The following CDH13 variants were observed in gnomAD, a reference collection of about 807,000 sequenced individuals.
CDH13 encodes the protein cadherin 13.
In CDH13, 24 loss-of-function variants were observed where a neutral mutation model predicts 63.8. The ratio of observed to expected loss-of-function variants is 0.38; its 90% CI spans 0.27 to 0.53. The LOEUF is 0.53. Ranked by LOEUF, CDH13 falls within the 20% of genes least tolerant of loss-of-function variation. The pLI is 0.85. For missense variants in CDH13, 1,049 were observed against 903.1 expected (o/e 1.16, Z -2.07); for synonymous variants, 503 against 355.3 (o/e 1.42, Z -4.67).
intron 3 of CDH13, among the ~76,000 whole-genome samples, chr16:83,077,291 G>C (rs1460070469): frequency 7.4e-6 from 1 of 135,538 alleles, no homozygotes; most frequent in Admixed American, 8.5e-5. Context: ...TCCTGAGTTC[G>C]AGCGATTCTT....
chr16:82,987,840 C>T (rs1351438887), intron 2 of CDH13, among the ~76,000 whole-genome samples: 1 of 152,158 alleles, frequency 6.6e-6, no homozygotes, highest in African/African-American at 2.4e-5. Flanking sequence ...TGTTGGGTTG[C>T]CCCATCTCTT....
rs774360979 is a variant in CDH13, at chr16:83,217,455, C to T, written c.594C>T (p.Ser198=). Residue 198 remains serine, a synonymous_variant, in exon 5 of 14, where the codon TCC becomes TCT. Transcript: ENST00000567109. The part of the protein sequence containing the change: ...FRINENTGSV[S]VTRTLDREVI... Reference sequence around the variant, plus strand: ...TCAATGAGAACACAGGGAGCGTCTCCGTGACACGGACCTTGGACAGAGAAG... The same window carrying T: ...TCAATGAGAACACAGGGAGCGTCTCTGTGACACGGACCTTGGACAGAGAAG... 14 of 1,613,842 alleles carry T rather than the reference C, an allele frequency of 8.7e-6. No individual in the cohort carries two copies. Among genetic ancestry groups the T allele is most frequent in the Middle Eastern group, 1.7e-4 (1 of 6,050 alleles).
chr16:83,260,475 G>T (rs188809117), intron 5 of CDH13, among the ~76,000 whole-genome samples: 1 of 152,166 alleles, frequency 6.6e-6, no homozygotes, highest in Non-Finnish European at 1.5e-5. Context: ...CTACCAAGGG[G>T]AGTCTGTGGG....
chr16:83,015,479 C>T (rs1914665952), intron 2 of CDH13, among the ~76,000 whole-genome samples: 1 of 151,218 alleles, frequency 6.6e-6, no homozygotes, highest in Admixed American at 6.6e-5. Context: ...AAGTAGTATT[C>T]CTGGTGATAG....
intron 3 of CDH13, among the ~76,000 whole-genome samples, chr16:83,070,289 C>T (rs1452867606): frequency 6.6e-6 from 1 of 152,180 alleles, no homozygotes; most frequent in Non-Finnish European, 1.5e-5. Context: ...CAACTTGATA[C>T]TGACAGTTTA....
intron 4 of CDH13, among the ~76,000 whole-genome samples, chr16:83,163,595 T>G (rs2037539360): frequency 6.6e-6 from 1 of 152,062 alleles, no homozygotes; most frequent in Admixed American, 6.6e-5. Context: ...TTCTATTGCC[T>G]TTGCAGTCAG....
intron 3 of CDH13, among the ~76,000 whole-genome samples, chr16:83,107,734 GTT>G (rs111272961): frequency 6.5e-4 from 90 of 137,446 alleles, no homozygotes; most frequent in African/African-American, 1.4e-3. Context: ...TTTTAGGTGG[GTT>G]TTTTTTTTTT....
intron 7 of CDH13, among the ~76,000 whole-genome samples, chr16:83,545,798 C>A (rs142812057): frequency 6.6e-6 from 1 of 152,158 alleles, no homozygotes; most frequent in African/African-American, 2.4e-5. Context: ...TACTTCAAGA[C>A]CGCATTCAAA....
intron 7 of CDH13, among the ~76,000 whole-genome samples, chr16:83,520,852 G>T (rs1047697046): frequency 1.3e-5 from 2 of 152,130 alleles, no homozygotes; most frequent in African/African-American, 4.8e-5. Context: ...TCTGGCCTCA[G>T]TTCTGCCCAG....
At chr16:83,554,751 T>C (rs2075570448) in intron 7 of CDH13, among the ~76,000 whole-genome samples, 1 of 152,158 alleles carries the variant, frequency 6.6e-6, no homozygotes, top group African/African-American at 2.4e-5. Context: ...TACAGACTGA[T>C]GTCACCCTTA....
chr16:82,859,598 A>G (rs140130369), intron 2 of CDH13: 1 of 152,306 alleles, frequency 6.6e-6, no homozygotes, highest in African/African-American at 2.4e-5. Context: ...AAATTAAAAT[A>G]AGCTGATCAT....
intron 1 of CDH13, among the ~76,000 whole-genome samples, chr16:82,638,823 T>TGTGTGTGTGTGTGCGCGCGC (rs139451683): frequency 6.6e-6 from 1 of 150,902 alleles, no homozygotes; most frequent in Admixed American, 6.6e-5. Context: ...GGGCAGTGTG[T>TGTGTGTGTGTGTGCGCGCGC]GCGTGTGTGC....
chr16:83,436,705 T>C (rs947025739), intron 6 of CDH13, among the ~76,000 whole-genome samples: 18 of 152,242 alleles, frequency 1.2e-4, no homozygotes, highest in African/African-American at 3.9e-4. Context: ...ATCCCAGTTT[T>C]CTGATAGTAA....
chr16:83,381,721 TAA>T (rs547361747), intron 6 of CDH13, among the ~76,000 whole-genome samples: 2 of 144,988 alleles, frequency 1.4e-5, no homozygotes, highest in African/African-American at 2.5e-5. Context: ...AATTAGGGAT[TAA>T]AAAAAAAAAA....
intron 2 of CDH13, among the ~76,000 whole-genome samples, chr16:82,860,119 G>A (rs34093607): frequency 0.33 from 50,252 of 151,782 alleles, 9,308 homozygotes; most frequent in East Asian, 0.82. Flanking sequence ...CTCTTCCTCT[G>A]TCTTCCTTTT....
chr16:82,973,761 C>G (rs554704169), intron 2 of CDH13, among the ~76,000 whole-genome samples: 60 of 152,222 alleles, frequency 3.9e-4, no homozygotes, highest in African/African-American at 1.4e-3. Context: ...TTCTAGTCTC[C>G]TAGGCAGCCA....
chr16:83,180,799 C>T (rs1461175628), intron 4 of CDH13: 2 of 1,002,342 alleles, frequency 2.0e-6, no homozygotes, highest in Non-Finnish European at 3.0e-6. Context: ...ATCCATGATG[C>T]TGTAGTCATT....
chr16:83,433,634 A>C (rs1209940472), intron 6 of CDH13, among the ~76,000 whole-genome samples: 1 of 152,180 alleles, frequency 6.6e-6, no homozygotes, highest in African/African-American at 2.4e-5. Context: ...TAACCACCAG[A>C]AGATTCATTA....
At chr16:83,466,470 A>G (rs775298142) in intron 6 of CDH13, among the ~76,000 whole-genome samples, 2 of 152,242 alleles carry the variant, frequency 1.3e-5, no homozygotes, top group African/African-American at 2.4e-5. Flanking sequence ...GCTAGATGAC[A>G]TAAGCACACA....
Sources: allele counts gnomAD v4.1 joint callset (sites outside exome capture counted in the v4.1 genomes callset), GRCh38; gene constraint gnomAD v4.1.1; transcripts MANE v1.5; gene names NCBI Gene and HGNC (gene_info 2026-07-23, HGNC 2026-07-21).